Variants in MOV10L1 observed in about 807,000 individuals in gnomAD.
The protein encoded by MOV10L1 is RNA helicase Mov10l1.
MOV10L1 carries 110 observed loss-of-function variants against 143.8 expected under a neutral mutation model. The observed-to-expected ratio is 0.76, with a 90% CI of 0.66 to 0.90. The LOEUF is 0.90. Ranked by LOEUF, MOV10L1 falls within the 40% of genes least tolerant of loss-of-function variation. The probability of loss-of-function intolerance (pLI) is 0.00; values close to 1 mark genes in which losing one functional copy is unlikely to be tolerated. For missense variants in MOV10L1, 1,406 were observed against 1,526.8 expected, an observed-to-expected ratio of 0.92 and a Z score of 1.32; for synonymous variants, 593 against 581.1, an observed-to-expected ratio of 1.02 and a Z score of -0.29.
At chr22:50,125,668 G>T in intron 11 of MOV10L1, 99 bp downstream of exon 11, 2 of 1,228,940 alleles carry the variant, frequency 1.6e-6, no homozygotes, top group Non-Finnish European at 2.2e-6. Flanking sequence ...TCACATTATC[G>T]CATTTTCTTT....
At chr22:50,145,661 A>G in intron 18 of MOV10L1, 28 bp from the exon 19 acceptor site, 1 of 1,612,432 alleles carries the variant, frequency 6.2e-7, no homozygotes, top group Non-Finnish European at 8.5e-7. Flanking sequence ...TGGAGGAGTA[A>G]ACTAACTCTA....
chr22:50,123,527 G>A (rs561030950), intron 10 of MOV10L1, among the ~76,000 whole-genome samples: 3 of 152,300 alleles, frequency 2.0e-5, no homozygotes, highest in Admixed American at 6.5e-5. Context: ...ACCACACCCA[G>A]CTAATCCTTT....
At chr22:50,117,430 G>C in intron 9 of MOV10L1, 79 bp downstream of exon 9, 1 of 1,465,062 alleles carries the variant, frequency 6.8e-7, no homozygotes, top group Non-Finnish European at 9.3e-7. Context: ...ACTGGCAAGC[G>C]GTGGCTACCA....
chr22:50,097,919 C>T (rs188490947), intron 2 of MOV10L1, among the ~76,000 whole-genome samples: 179 of 152,168 alleles, frequency 1.2e-3, no homozygotes, highest in African/African-American at 4.0e-3. Context: ...TTGCAACCTC[C>T]GCCTCCCTGG....
intron 13 of MOV10L1, 100 bp from the exon 14 acceptor site, chr22:50,133,906 AT>A: frequency 1.1e-6 from 1 of 948,034 alleles, no homozygotes; most frequent in Non-Finnish European, 1.6e-6. Flanking sequence ...ATTTTTTTAT[AT>A]TGACTTAAAG....
At chr22:50,140,435 G>A (rs1014613466) in intron 15 of MOV10L1, among the ~76,000 whole-genome samples, 18 of 152,152 alleles carry the variant, frequency 1.2e-4, no homozygotes, top group African/African-American at 4.1e-4. Flanking sequence ...TGTGGGAGGA[G>A]GTTATAGGCA....
At chr22:50,091,902 A>G in intron 1 of MOV10L1, 99 bp from the exon 2 acceptor site, 1 of 1,239,630 alleles carries the variant, frequency 8.1e-7, no homozygotes, top group Admixed American at 2.4e-5. Context: ...CGAACTGCAA[A>G]AAAAGGAGGC....
chr22:50,113,514 G>A, intron 5 of MOV10L1, 134 bp from the exon 6 acceptor site: 2 of 1,220,426 alleles, frequency 1.6e-6, no homozygotes, highest in Non-Finnish European at 2.3e-6. Flanking sequence ...AGAAACCTAA[G>A]TCTGTGGAAG....
chr22:50,114,555 C>G lies in MOV10L1; in HGVS notation c.1059C>G (p.Ser353Arg), dbSNP rs762879678. ...ATGAAAATATTAATTCATTAAATAG[C>G]CACACAAAAAACAAAACCTCTCAGA... ...SSDENINSLN[S>R]HTKNKTSQMS... The change falls in exon 7 of 27, where the codon AGC (serine) becomes AGG (arginine). Residue 353 changes from serine to arginine, a missense_variant. Coordinates refer to ENST00000262794, the MANE Select transcript of MOV10L1 (RefSeq NM_018995.3). The G allele has an allele frequency of 1.9e-6, 3 of 1,614,120 alleles. No homozygotes were observed. Among genetic ancestry groups the G allele is most frequent in the Non-Finnish European group, 2.5e-6 (3 of 1,180,024 alleles).
chr22:50,108,216 G>C lies in MOV10L1; in HGVS notation c.523G>C (p.Val175Leu), dbSNP rs2147104266. Residue 175 changes from valine (V) to leucine (L), a missense_variant, in exon 4 of 27, where the codon GTG (valine) becomes CTG (leucine). Val to Leu is a conservative substitution (Grantham distance 32). Coordinates refer to ENST00000262794, the MANE Select transcript of MOV10L1 (RefSeq NM_018995.3). ...PGTWSSEATS[V>L]KPLRYKRVDK... is the part of the protein sequence containing the mutation. ...CACGTGGAGCAGCGAAGCCACCTCA[G>C]TGAAGCCACTGAGATACAAGCGCGT... The C allele has an allele frequency of 3.7e-6, 6 of 1,614,074 alleles. No individual in the cohort carries two copies. Among genetic ancestry groups the C allele is most frequent in the East Asian group, 2.2e-5 (1 of 44,874 alleles).
In MOV10L1 at chr22:50,152,318, G is replaced by T. The variant is rs886510117; in HGVS notation, c.2893-727G>T. ...CGGCTCCCCGCGGCACAGACGCAGC[G>T]AGTCCTCATGCCAATACATGGGTCA... On this transcript the variant is annotated intron_variant, in intron 21 of 26. Transcript: ENST00000262794. This position sits in a 1 kb window ranked among gnomAD's most constrained non-coding sequence, Gnocchi z 4.4. 2.0e-5 allele frequency among the ~76,000 whole-genome samples: 3 copies of T among 152,208 alleles called. No homozygotes were observed. The highest frequency in any genetic ancestry group is 7.2e-5 in the African/African-American group (3 of 41,446).
intron 3 of MOV10L1, among the ~76,000 whole-genome samples, chr22:50,104,609 TTATTA>T (rs1048703948): frequency 4.6e-5 from 7 of 152,210 alleles, no homozygotes; most frequent in Non-Finnish European, 8.8e-5. Context: ...CAGAGTGATT[TTATTA>T]TATTAGTGGA....
At chr22:50,110,052 G>A (rs1183156522) in intron 5 of MOV10L1, among the ~76,000 whole-genome samples, 1 of 152,086 alleles carries the variant, frequency 6.6e-6, no homozygotes, top group African/African-American at 2.4e-5. Flanking sequence ...GGGAGGCTGA[G>A]GCAAGAGAAT....
chr22:50,108,015 A>G (rs575454577), intron 3 of MOV10L1, 121 bp from the exon 4 acceptor site: 3 of 807,732 alleles, frequency 3.7e-6, no homozygotes, highest in Admixed American at 2.5e-5. Flanking sequence ...CAGTAGTAGA[A>G]AGTGCCTTTT....
At chr22:50,151,044 C>T (rs993254894) in intron 21 of MOV10L1, 145 bp downstream of exon 21, 48 of 998,732 alleles carry the variant, frequency 4.8e-5, no homozygotes, top group African/African-American at 4.4e-4. Flanking sequence ...GCACCTCCCC[C>T]GTCAGCAGAA....
At chr22:50,123,011 T>C (rs1017889182) in intron 10 of MOV10L1, among the ~76,000 whole-genome samples, 5 of 151,980 alleles carry the variant, frequency 3.3e-5, no homozygotes, top group Admixed American at 2.0e-4. Flanking sequence ...TTTTCTTCTC[T>C]TCCTAGTTTG....
intron 9 of MOV10L1, among the ~76,000 whole-genome samples, chr22:50,119,469 G>A (rs1569293597): frequency 6.6e-6 from 1 of 151,966 alleles, no homozygotes; most frequent in East Asian, 1.9e-4. Flanking sequence ...GTTCTGGGGG[G>A]CTTTGTAGGC....
chr22:50,145,018 C>A (rs183566688), intron 18 of MOV10L1, among the ~76,000 whole-genome samples: 1 of 152,118 alleles, frequency 6.6e-6, no homozygotes, highest in Non-Finnish European at 1.5e-5. Flanking sequence ...TCTTGGCTAA[C>A]TGCAACCTCC....
Position 50,108,805 on chromosome 22 carries a change from A to G in MOV10L1, c.704A>G (p.Tyr235Cys), listed in dbSNP as rs755407232. Residue 235 changes from tyrosine to cysteine, a missense_variant, in exon 5 of 27, where the codon TAT becomes TGT. Physicochemically the swap from Tyr to Cys is radical, Grantham distance 194. Around this residue, in one of 3 missense-constraint regions of MOV10L1, gnomAD observed 1,233 missense variants for 1,351.4 expected, o/e 0.91. Transcript: ENST00000262794. ...AVVVESSQSC[Y>C]VWRALCMTLV... is the part of the protein sequence containing the mutation. ...GTGGTGGAGAGCAGCCAGTCATGCT[A>G]TGTCTGGAGGGCACTTTGTATGACC... 1 of 1,614,148 alleles carries G rather than the reference A, an allele frequency of 6.2e-7. No individual in the cohort carries two copies. The highest frequency in any genetic ancestry group is 8.5e-7 in the Non-Finnish European group (1 of 1,180,024).
Sources: allele counts gnomAD v4.1 joint callset (sites outside exome capture counted in the v4.1 genomes callset), GRCh38; gene constraint gnomAD v4.1.1; regional missense constraint gnomAD v4.1.1; non-coding constraint Gnocchi (gnomAD v3.1); transcripts MANE v1.5; gene names NCBI Gene and HGNC (gene_info 2026-07-23, HGNC 2026-07-21).